The following XIRP2 variants were observed in gnomAD, a reference collection of about 807,000 sequenced individuals.
XIRP2 encodes the protein xin actin binding repeat containing 2.
In XIRP2, 236 loss-of-function variants were observed where a neutral mutation model predicts 277.0. The ratio of observed to expected loss-of-function variants is 0.85; its 90% CI spans 0.77 to 0.95. The LOEUF (loss-of-function observed/expected upper bound fraction) is 0.95. Among genes scored for constraint, XIRP2 ranks in the 40% least tolerant of loss-of-function variants. The pLI, the probability that XIRP2 is intolerant of heterozygous loss-of-function variation, is 0.00. For synonymous variants in XIRP2, 1,490 were observed against 1,416.5 expected (o/e 1.05, Z -1.17); for missense variants, 4,640 against 4,157.5 (o/e 1.12, Z -3.19).
chr2:167,147,588 T>C (rs1353389884), intron 3 of XIRP2, among the ~76,000 whole-genome samples: 1 of 152,202 alleles, frequency 6.6e-6, no homozygotes, highest in Admixed American at 6.5e-5. Context: ...TAGAATGAGC[T>C]TCCCTGGTTG....
intron 2 of XIRP2, among the ~76,000 whole-genome samples, chr2:166,952,499 A>G (rs140132533): frequency 7.8e-4 from 119 of 152,070 alleles, no homozygotes; most frequent in African/African-American, 2.7e-3. Flanking sequence ...ATTAGGACAA[A>G]CATGTCTAGA....
intron 2 of XIRP2, among the ~76,000 whole-genome samples, chr2:167,027,685 G>A (rs1373635202): frequency 2.0e-5 from 3 of 151,962 alleles, no homozygotes; most frequent in Admixed American, 6.6e-5. Flanking sequence ...TGGGTTTTTG[G>A]TGTGGATGTC....
chr2:166,937,652 A>G (rs530485251), intron 2 of XIRP2, among the ~76,000 whole-genome samples: 54 of 152,246 alleles, frequency 3.5e-4, no homozygotes, highest in African/African-American at 1.2e-3. Flanking sequence ...ATTGATTGGA[A>G]TAGTTTCAGA....
At chr2:166,942,140 A>G (rs1295023568) in intron 2 of XIRP2, among the ~76,000 whole-genome samples, 1 of 152,216 alleles carries the variant, frequency 6.6e-6, no homozygotes, top group Non-Finnish European at 1.5e-5. Context: ...AACTGTCACA[A>G]GCACCTATGC....
intron 3 of XIRP2, among the ~76,000 whole-genome samples, chr2:167,158,249 C>T (rs376400481): frequency 2.0e-5 from 3 of 152,134 alleles, no homozygotes; most frequent in Non-Finnish European, 4.4e-5. Flanking sequence ...TATTATTTCT[C>T]ATTTACAACT....
rs1695201702 is a variant in XIRP2, at chr2:167,244,950, G to A, written c.3558G>A (p.Lys1186=). The A allele has an allele frequency of 6.2e-7, 1 of 1,612,650 alleles. No individual in the cohort carries two copies. The highest frequency in any genetic ancestry group is 1.3e-5 in the African/African-American group (1 of 74,890). ...SIQGEEVKEI[K]PVEMDIQAGD... ...AAGGAGAAGAAGTGAAGGAAATCAA[G>A]CCTGTTGAAATGGATATACAAGCTG... is the stretch of plus-strand genomic sequence containing the variant. Residue 1186 remains lysine (K), a synonymous_variant, in exon 9 of 11, where the codon AAG becomes AAA. Transcript: ENST00000409195.
intron 3 of XIRP2, among the ~76,000 whole-genome samples, chr2:167,179,667 G>T (rs766094184): frequency 6.7e-6 from 1 of 149,820 alleles, no homozygotes; most frequent in Non-Finnish European, 1.5e-5. Context: ...TTGAGACAGG[G>T]TCTTGCTCTG....
intron 10 of XIRP2, among the ~76,000 whole-genome samples, chr2:167,254,982 A>G (rs1429804138): frequency 6.6e-6 from 1 of 151,342 alleles, no homozygotes; most frequent in Non-Finnish European, 1.5e-5. Flanking sequence ...GACAATGTCG[A>G]ACACCCTCAT....
In XIRP2 at chr2:167,027,067, G is replaced by T. The variant is rs139250085; in HGVS notation, c.409-108842G>T. ...TGTTGGCCTGCCTTTATAGATTGGG[G>T]AAGTTCTCCTGGATAATATCCTGCA... On this transcript the variant is annotated intron_variant, in intron 2 of 10. Coordinates refer to ENST00000409195, the MANE Select transcript of XIRP2 (RefSeq NM_152381.6). 2.3e-3 allele frequency among the ~76,000 whole-genome samples: 345 copies of T among 152,184 alleles called. 2 individuals are homozygous for T. Among genetic ancestry groups the T allele is most frequent in the African/African-American group, 8.1e-3 (335 of 41,526 alleles).
At chr2:167,003,310 T>A (rs1389276445) in intron 2 of XIRP2, among the ~76,000 whole-genome samples, 1 of 151,712 alleles carries the variant, frequency 6.6e-6, no homozygotes, top group Non-Finnish European at 1.5e-5. Flanking sequence ...AAAAACCTAA[T>A]TAGAATAGGA....
In XIRP2 at chr2:167,250,548, A is replaced by G. The variant is rs778753024; in HGVS notation, c.9156A>G (p.Thr3052=). The change falls in exon 9 of 11, where the codon ACA becomes ACG. Residue 3052 remains threonine (T), a synonymous_variant. Transcript: ENST00000409195. ...ATAAACCCACTAGTCTTGATGAAACATCATCCAAAGTATCTAATGTTCATG... is the reference window on the plus strand; with the variant it reads ...ATAAACCCACTAGTCTTGATGAAACGTCATCCAAAGTATCTAATGTTCATG... ...PGNKPTSLDE[T]SSKVSNVHVS... The G allele has an allele frequency of 4.3e-6, 7 of 1,613,584 alleles. No individual in the cohort carries two copies. The highest frequency in any genetic ancestry group is 1.7e-5 in the Admixed American group (1 of 59,964).
chr2:167,126,696 G>T (rs934694603), intron 2 of XIRP2, among the ~76,000 whole-genome samples: 1 of 152,034 alleles, frequency 6.6e-6, no homozygotes, highest in Non-Finnish European at 1.5e-5. Flanking sequence ...TGCTTTCTTT[G>T]GAGATGGGAA....
At chr2:167,083,424 C>T (rs182527092) in intron 2 of XIRP2, among the ~76,000 whole-genome samples, 1,985 of 152,240 alleles carry the variant, frequency 0.013, 50 homozygotes, top group African/African-American at 0.045. Context: ...CTTGGCGATG[C>T]GGGCTCTTTT....
intron 3 of XIRP2, chr2:167,140,724 C>T (rs993052048): frequency 1.3e-5 from 2 of 152,208 alleles, no homozygotes; most frequent in African/African-American, 4.8e-5. Flanking sequence ...CCATCTAAAA[C>T]AATTCTGTGG....
At chr2:167,171,964 C>G (rs190197154) in intron 3 of XIRP2, among the ~76,000 whole-genome samples, 1 of 151,978 alleles carries the variant, frequency 6.6e-6, no homozygotes, top group South Asian at 2.1e-4. Context: ...TATATATTTA[C>G]GGGGTACATG....
At chr2:166,979,002 C>T (rs1574132201) in intron 2 of XIRP2, among the ~76,000 whole-genome samples, 1 of 152,246 alleles carries the variant, frequency 6.6e-6, no homozygotes, top group South Asian at 2.1e-4. Flanking sequence ...CCATATTATT[C>T]TTCTATCCCA....
At position 167,243,851 on chromosome 2, in the gene XIRP2, T is replaced by C. The variant is rs1328850335; in HGVS notation, c.2459T>C (p.Ile820Thr). 8 of 1,613,456 alleles carry C rather than the reference T, an allele frequency of 5.0e-6. No homozygotes were observed. In the South Asian group the frequency reaches 8.8e-5, roughly 18 times the overall value. Residue 820 changes from isoleucine (I) to threonine (T), a missense_variant, in exon 9 of 11, where the codon ATC becomes ACC. Coordinates refer to ENST00000409195, the MANE Select transcript of XIRP2 (RefSeq NM_152381.6). The stretch of plus-strand genomic sequence containing the variant: ...TTTGAAACCCAACCTTTGGAGAAAA[T>C]CAAAGAGTCAGAAGAGGTCATCATT... Reference protein sequence around the residue: ...WLFETQPLEKIKESEEVIIEK... With the variant: ...WLFETQPLEKTKESEEVIIEK...
chr2:167,086,089 C>G (rs901456385), intron 2 of XIRP2, among the ~76,000 whole-genome samples: 2 of 151,880 alleles, frequency 1.3e-5, no homozygotes, highest in East Asian at 1.9e-4. Context: ...ACCGGTTGTT[C>G]CTTTCCATGT....
At chr2:167,092,118 T>C (rs536890659) in intron 2 of XIRP2, among the ~76,000 whole-genome samples, 2 of 152,252 alleles carry the variant, frequency 1.3e-5, no homozygotes, top group Middle Eastern at 3.4e-3. Context: ...TCATGTTGCT[T>C]GGGGGATTTT....
Sources: gnomAD v4.1 joint callset for allele counts (sites outside exome capture counted in the v4.1 genomes callset) on GRCh38, gnomAD v4.1.1 for gene constraint, MANE v1.5 for transcripts, NCBI Gene and HGNC (gene_info 2026-07-23, HGNC 2026-07-21) for gene names.